The following TENM4 variants were observed in gnomAD, a reference collection of about 807,000 sequenced individuals.
TENM4 encodes teneurin transmembrane protein 4.
Under a neutral mutation model 243.3 loss-of-function variants are expected in TENM4, and 82 were observed. The observed-to-expected ratio is 0.34, with a 90% CI of 0.28 to 0.40. The LOEUF (loss-of-function observed/expected upper bound fraction) is 0.40. TENM4 is among the 10% of genes least tolerant of loss of function. The pLI, the probability that TENM4 is intolerant of heterozygous loss-of-function variation, is 1.00. For missense variants in TENM4, 3,138 were observed against 3,673.3 expected, an observed-to-expected ratio of 0.85 and a Z score of 3.77; for synonymous variants, 1,412 against 1,456.3, an observed-to-expected ratio of 0.97 and a Z score of 0.69.
chr11:79,122,804 CATTA>C (rs1028791469), intron 4 of TENM4, among the ~76,000 whole-genome samples: 1 of 152,146 alleles, frequency 6.6e-6, no homozygotes, highest in Admixed American at 6.5e-5. Flanking sequence ...CTGTGAAAAG[CATTA>C]AGGTCAGGAG....
At chr11:78,850,857 C>T (rs1591070287) in intron 12 of TENM4, among the ~76,000 whole-genome samples, 2 of 152,126 alleles carry the variant, frequency 1.3e-5, no homozygotes, top group Non-Finnish European at 2.9e-5. Flanking sequence ...AAGAATGAGG[C>T]TCAGAGAGGT....
chr11:79,220,319 A>G (rs1474090327), intron 2 of TENM4, among the ~76,000 whole-genome samples: 1 of 152,208 alleles, frequency 6.6e-6, no homozygotes, highest in Non-Finnish European at 1.5e-5. Flanking sequence ...GTACTTGACA[A>G]TCAAGGGTTC....
rs200276676 is a variant in TENM4, at chr11:79,373,294, A to ATGGC, written c.-321+67211_-321+67214dup. Among the ~76,000 whole-genome samples the ATGGC allele has an allele frequency of 2.7e-3, 397 of 149,718 alleles. 1 individual carries two copies. Among genetic ancestry groups the ATGGC allele is most frequent in the African/African-American group, 5.9e-3 (239 of 40,326 alleles). On this transcript the variant is annotated intron_variant, in intron 1 of 33. Coordinates refer to ENST00000278550, the MANE Select transcript of TENM4 (RefSeq NM_001098816.3). ...TGTAGATGGATGCATGGGTGGATAG[A>ATGGC]TGGCTGGCTGGCTGGCTGGCTGGCT...
At chr11:78,908,717 T>C (rs1856118695) in intron 6 of TENM4, among the ~76,000 whole-genome samples, 1 of 152,214 alleles carries the variant, frequency 6.6e-6, no homozygotes, top group Admixed American at 6.5e-5. Context: ...TCACCATGTA[T>C]TCAAAGATGA....
chr11:79,313,934 G>T (rs1324053656), intron 1 of TENM4, among the ~76,000 whole-genome samples: 1 of 152,204 alleles, frequency 6.6e-6, no homozygotes, highest in East Asian at 1.9e-4. Flanking sequence ...CTACTCCCCG[G>T]TGGCCAATCC....
intron 2 of TENM4, among the ~76,000 whole-genome samples, chr11:79,255,705 C>T (rs1316220810): frequency 3.3e-5 from 5 of 152,298 alleles, no homozygotes; most frequent in Middle Eastern, 3.4e-3. Context: ...TAAAAGAAAT[C>T]CACAGATAAT....
At chr11:79,234,242 A>T (rs1454925781) in intron 2 of TENM4, among the ~76,000 whole-genome samples, 1 of 152,210 alleles carries the variant, frequency 6.6e-6, no homozygotes, top group African/African-American at 2.4e-5. Context: ...TCATTTGAAC[A>T]ATGGGGAGAA....
chr11:79,088,858 C>T (rs1353242311), intron 4 of TENM4, among the ~76,000 whole-genome samples: 1 of 152,134 alleles, frequency 6.6e-6, no homozygotes, highest in Non-Finnish European at 1.5e-5. Flanking sequence ...GGTTCTTGTC[C>T]TAGAAAGACA....
chr11:79,434,092 T>C (rs1859223124), intron 1 of TENM4, among the ~76,000 whole-genome samples: 1 of 152,222 alleles, frequency 6.6e-6, no homozygotes, highest in African/African-American at 2.4e-5. Context: ...AACACATCTT[T>C]TCTGGTCACA....
At chr11:79,219,147 G>C (rs1195640471) in intron 2 of TENM4, among the ~76,000 whole-genome samples, 2 of 152,184 alleles carry the variant, frequency 1.3e-5, no homozygotes, top group African/African-American at 2.4e-5. Flanking sequence ...TATAAGGTAG[G>C]GGACATGGAG....
rs1435554578 is a variant in TENM4 at position 78,669,412 on chromosome 11, C to T, written c.6933G>A (p.Gln2311=). The change falls in exon 32 of 34, where the codon CAG becomes CAA. Residue 2311 remains glutamine, a synonymous_variant. Transcript: ENST00000278550. The surrounding 1 kb of genome is among the most constrained non-coding windows in gnomAD (Gnocchi z 6.4). ...GGTTGGTCAGGTCTGCATAGAAGAACTGCAGGTGGTGGCTGTGGCTGCTCT... is the reference window on the plus strand; with the variant it reads ...GGTTGGTCAGGTCTGCATAGAAGAATTGCAGGTGGTGGCTGTGGCTGCTCT... ...SSKSSHSHHL[Q]FFYADLTNPT... 1 of 1,613,224 alleles carries T rather than the reference C, an allele frequency of 6.2e-7. No individual in the cohort carries two copies. Among genetic ancestry groups the T allele is most frequent in the Non-Finnish European group, 8.5e-7 (1 of 1,179,460 alleles).
chr11:78,842,460 A>G (rs1461783932), intron 12 of TENM4, among the ~76,000 whole-genome samples: 3 of 152,218 alleles, frequency 2.0e-5, no homozygotes, highest in Non-Finnish European at 2.9e-5. Flanking sequence ...CTGCCAGCCA[A>G]AGATACCTAT....
chr11:79,172,482 T>G (rs1185070042), intron 3 of TENM4, among the ~76,000 whole-genome samples: 1 of 152,148 alleles, frequency 6.6e-6, no homozygotes, highest in African/African-American at 2.4e-5. Flanking sequence ...AATTCTTTGC[T>G]TTCCCTCACA....
chr11:79,045,613 G>A (rs755653737), intron 6 of TENM4, among the ~76,000 whole-genome samples: 1 of 152,244 alleles, frequency 6.6e-6, no homozygotes, highest in East Asian at 1.9e-4. Context: ...AGAGGAGCCC[G>A]GCTTGGAGGC....
intron 3 of TENM4, among the ~76,000 whole-genome samples, chr11:79,178,273 C>T (rs1371812643): frequency 1.3e-5 from 2 of 152,098 alleles, no homozygotes; most frequent in Non-Finnish European, 2.9e-5. Flanking sequence ...TTGAGAAGAG[C>T]TGTTGCCTGT....
intron 1 of TENM4, among the ~76,000 whole-genome samples, chr11:79,377,364 C>A (rs1857912040): frequency 6.6e-6 from 1 of 152,198 alleles, no homozygotes; most frequent in South Asian, 2.1e-4. Context: ...GTGGATGGTT[C>A]TGAGGGTCCA....
chr11:78,771,558 A>T (rs766222606), intron 17 of TENM4, among the ~76,000 whole-genome samples: 2 of 152,180 alleles, frequency 1.3e-5, no homozygotes, highest in Admixed American at 6.5e-5. Flanking sequence ...CACAAAGGAA[A>T]CATCTTTCTG....
chr11:78,891,107 G>T, intron 8 of TENM4, 131 bp downstream of exon 8: 2 of 752,576 alleles, frequency 2.7e-6, no homozygotes, highest in Non-Finnish European at 2.2e-6. Flanking sequence ...GTTGAACACG[G>T]ACTTGGTGAT....
intron 4 of TENM4, among the ~76,000 whole-genome samples, chr11:79,086,970 T>A (rs1860825029): frequency 6.6e-6 from 1 of 152,240 alleles, no homozygotes. Flanking sequence ...TACCTTTTTT[T>A]GATAACTTAC....
Sources: gnomAD v4.1 joint callset for allele counts (sites outside exome capture counted in the v4.1 genomes callset) on GRCh38, gnomAD v4.1.1 for gene constraint, Gnocchi (gnomAD v3.1) non-coding constraint, MANE v1.5 for transcripts, NCBI Gene and HGNC (gene_info 2026-07-23, HGNC 2026-07-21) for gene names.